TBXAS1: variants seen among roughly 807,000 people sequenced by gnomAD.
The protein encoded by TBXAS1 is thromboxane-A synthase.
In TBXAS1, 48 loss-of-function variants were observed where a neutral mutation model predicts 60.7. The observed-to-expected ratio is 0.79, with a 90% CI of 0.63 to 1.01. TBXAS1 has a LOEUF of 1.01. TBXAS1 is among the 50% of genes least tolerant of loss of function. The probability of loss-of-function intolerance (pLI) is 0.00; values close to 1 mark genes in which losing one functional copy is unlikely to be tolerated. For synonymous variants in TBXAS1, 287 were observed against 269.7 expected, an observed-to-expected ratio of 1.06 and a Z score of -0.63; for missense variants, 685 against 686.3, an observed-to-expected ratio of 1.00 and a Z score of 0.02.
At chr7:139,805,751 TTTC>T (rs1797856208) in intron 4 of TBXAS1, among the ~76,000 whole-genome samples, 1 of 144,482 alleles carries the variant, frequency 6.9e-6, no homozygotes, top group African/African-American at 2.6e-5. Context: ...TCTTTCTTTC[TTTC>T]TTGTCTTTCT....
At chr7:139,860,539 T>C (rs1585655452) in intron 1 of TBXAS1, among the ~76,000 whole-genome samples, 1 of 152,200 alleles carries the variant, frequency 6.6e-6, no homozygotes, top group African/African-American at 2.4e-5. Context: ...GGGTTAAGTA[T>C]TCTGGATTGT....
Position 139,939,556 on chromosome 7 carries a change from A to G in TBXAS1, c.450+3249A>G, listed in dbSNP as rs1188727982. On this transcript the variant is annotated intron_variant, in intron 5 of 12. Transcript: ENST00000448866. ...TCCATCCCAGAGGCAGGAGAAGTTA[A>G]CTTTTTCCCCACCTCTGGGGATTTT... Among the ~76,000 whole-genome samples the G allele has an allele frequency of 3.3e-5, 5 of 151,774 alleles. No homozygotes were observed. In the East Asian group the frequency reaches 9.7e-4, roughly 29 times the overall value.
intron 3 of TBXAS1, among the ~76,000 whole-genome samples, chr7:139,894,757 A>C (rs971401868): frequency 6.6e-6 from 1 of 152,030 alleles, no homozygotes; most frequent in Non-Finnish European, 1.5e-5. Context: ...GTCAGAGGGG[A>C]TGGTTTCCCC....
At chr7:139,836,925 C>T (rs1347086778) in intron 1 of TBXAS1, among the ~76,000 whole-genome samples, 1 of 152,174 alleles carries the variant, frequency 6.6e-6, no homozygotes, top group South Asian at 2.1e-4. Context: ...TGACCAAGGA[C>T]TCACATTCAG....
intron 4 of TBXAS1, among the ~76,000 whole-genome samples, chr7:139,818,894 G>T (rs895051116): frequency 8.5e-5 from 13 of 152,166 alleles, no homozygotes; most frequent in Admixed American, 4.6e-4. Flanking sequence ...TGGAGAGAGA[G>T]TTGGGAATAC....
At chr7:139,828,514 G>A (rs1274481591), upstream of TBXAS1, among the ~76,000 whole-genome samples, 1 of 152,202 alleles carries the variant, frequency 6.6e-6, no homozygotes, top group East Asian at 1.9e-4. Context: ...GGGTCCTTTT[G>A]GGATTGCTGG....
chr7:139,779,008 A>G (rs536769059), intron 1 of TBXAS1, among the ~76,000 whole-genome samples: 35 of 152,354 alleles, frequency 2.3e-4, no homozygotes, highest in Non-Finnish European at 4.4e-4. Flanking sequence ...GGAATCCAAT[A>G]GAAAATATTA....
intron 9 of TBXAS1, among the ~76,000 whole-genome samples, chr7:139,998,489 C>T (rs1585032799): frequency 6.6e-6 from 1 of 152,180 alleles, no homozygotes; most frequent in African/African-American, 2.4e-5. Flanking sequence ...AGTTCCAACT[C>T]TACCATTAAC....
At chr7:139,992,779 C>T (rs1009750825) in intron 9 of TBXAS1, among the ~76,000 whole-genome samples, 2 of 152,212 alleles carry the variant, frequency 1.3e-5, no homozygotes, top group East Asian at 1.9e-4. Context: ...GGTAGTTTCA[C>T]GAGAAGCCAT....
chr7:139,924,553 T>C (rs1347810177), intron 4 of TBXAS1, among the ~76,000 whole-genome samples: 1 of 152,222 alleles, frequency 6.6e-6, no homozygotes, highest in Non-Finnish European at 1.5e-5. Flanking sequence ...ATTCTGGTTA[T>C]TATTCCCTTG....
intron 3 of TBXAS1, among the ~76,000 whole-genome samples, chr7:139,881,530 A>G (rs1167595370): frequency 6.6e-6 from 1 of 151,936 alleles, no homozygotes; most frequent in East Asian, 1.9e-4. Context: ...CACTTTTATC[A>G]TTTATTAATT....
At chr7:139,788,728 A>G (rs1157790300) in intron 4 of TBXAS1, among the ~76,000 whole-genome samples, 1 of 152,220 alleles carries the variant, frequency 6.6e-6, no homozygotes, top group Non-Finnish European at 1.5e-5. Flanking sequence ...TAGGGCTGGG[A>G]ATGAAAAATG....
At chr7:139,980,556 A>T (rs958389764) in intron 9 of TBXAS1, among the ~76,000 whole-genome samples, 1 of 152,072 alleles carries the variant, frequency 6.6e-6, no homozygotes, top group Non-Finnish European at 1.5e-5. Context: ...TCTCTTCCTT[A>T]GTCATTTTCA....
chr7:140,003,971 T>C (rs899526608), intron 9 of TBXAS1, among the ~76,000 whole-genome samples: 1 of 152,196 alleles, frequency 6.6e-6, no homozygotes, highest in South Asian at 2.1e-4. Context: ...GGTCTCTCTG[T>C]CCTTTGCTTC....
At chr7:139,930,843 T>C (rs773315478) in intron 4 of TBXAS1, among the ~76,000 whole-genome samples, 5 of 152,034 alleles carry the variant, frequency 3.3e-5, no homozygotes, top group East Asian at 3.9e-4. Flanking sequence ...GGGGCTGAGA[T>C]AATGGTGACC....
At chr7:140,003,472 T>G (rs772069699) in intron 9 of TBXAS1, among the ~76,000 whole-genome samples, 72 of 152,214 alleles carry the variant, frequency 4.7e-4, no homozygotes, top group Non-Finnish European at 7.3e-4. Flanking sequence ...CCCAAAGTGC[T>G]GGGATTACAG....
intron 9 of TBXAS1, 166 bp downstream of exon 9, chr7:139,962,399 CGA>C (rs1810445717): frequency 1.1e-5 from 9 of 812,660 alleles, no homozygotes; most frequent in Non-Finnish European, 1.8e-5. Context: ...GGTTAGCAAG[CGA>C]AATGAAATGT....
chr7:139,949,929 C>T (rs929265351), intron 5 of TBXAS1, among the ~76,000 whole-genome samples: 1 of 152,132 alleles, frequency 6.6e-6, no homozygotes, highest in African/African-American at 2.4e-5. Context: ...CAAGGCTCTG[C>T]ACCAGGGCCT....
intron 5 of TBXAS1, among the ~76,000 whole-genome samples, chr7:139,950,658 T>TCCCTCGCCCTCCATCTACGGGACC (rs1809138234): frequency 1.6e-5 from 2 of 122,718 alleles, no homozygotes; most frequent in Non-Finnish European, 3.5e-5. Context: ...TCTACAGGAC[T>TCCCTCGCCCTCCATCTACGGGACC]CCCTCACCCT....
Sources: allele counts gnomAD v4.1 joint callset (sites outside exome capture counted in the v4.1 genomes callset), GRCh38; gene constraint gnomAD v4.1.1; transcripts MANE v1.5; gene names NCBI Gene and HGNC (gene_info 2026-07-23, HGNC 2026-07-21).